Variants in GLCE observed in about 807,000 individuals in gnomAD.
The protein encoded by GLCE is D-glucuronyl C5-epimerase.
GLCE carries 19 observed loss-of-function variants against 47.9 expected under a neutral mutation model. The observed-to-expected ratio is 0.40, with a 90% confidence interval of 0.28 to 0.58. GLCE has a LOEUF of 0.58. Ranked by LOEUF, GLCE falls within the 20% of genes least tolerant of loss-of-function variation. The pLI is 0.48. For synonymous variants in GLCE, 245 were observed against 263.4 expected (o/e 0.93, Z 0.68); for missense variants, 556 against 743.3 (o/e 0.75, Z 2.93).
intron 1 of GLCE, among the ~76,000 whole-genome samples, chr15:69,175,038 ACTT>A (rs2051642474): frequency 6.6e-6 from 1 of 152,096 alleles, no homozygotes; most frequent in Non-Finnish European, 1.5e-5. Context: ...CTTGAAAACT[ACTT>A]AATGAAATTA....
At chr15:69,222,891 AC>A (rs1221254925) in intron 2 of GLCE, among the ~76,000 whole-genome samples, 1 of 152,190 alleles carries the variant, frequency 6.6e-6, no homozygotes, top group Non-Finnish European at 1.5e-5. Context: ...CTTTGTGGTT[AC>A]CATGGGATTA....
At chr15:69,166,309 ACT>A (rs1218483699) in intron 1 of GLCE, among the ~76,000 whole-genome samples, 1 of 152,130 alleles carries the variant, frequency 6.6e-6, no homozygotes, top group African/African-American at 2.4e-5. Flanking sequence ...CTGTCTCCAG[ACT>A]CTATGCTTTT....
chr15:69,195,571 T>A (rs117132074), intron 1 of GLCE, among the ~76,000 whole-genome samples: 107 of 152,278 alleles, frequency 7.0e-4, no homozygotes, highest in Admixed American at 2.4e-3. Context: ...CTTTAGATTA[T>A]CCATGGAAAA....
intron 1 of GLCE, among the ~76,000 whole-genome samples, chr15:69,167,732 G>A (rs1423806738): frequency 6.6e-6 from 1 of 151,872 alleles, no homozygotes; most frequent in African/African-American, 2.4e-5. Flanking sequence ...CTGGGCTAGT[G>A]GTTACAGAAA....
In GLCE at chr15:69,240,283, C is replaced by CAA. The variant is rs545688611; in HGVS notation, c.-13-15485_-13-15484dup. ...TGGGCGACAGAGCGAGACTCCGTCT[C>CAA]AAAAAAAAAAAAAAAAAAAAAAAAA... On this transcript the variant is annotated intron_variant, in intron 2 of 4. Coordinates refer to ENST00000261858, the MANE Select transcript of GLCE (RefSeq NM_015554.3). 5.2e-3 allele frequency among the ~76,000 whole-genome samples: 95 copies of CAA among 18,180 alleles called. 2 individuals are homozygous for CAA. The highest frequency in any genetic ancestry group is 0.071 in the Middle Eastern group (1 of 14). 11.9% of individuals were successfully genotyped at this position (18,180 alleles called of 152,430 possible). A position where few individuals can be genotyped will look rare whatever the true frequency, so the allele number is the denominator to read the frequency against.
At chr15:69,188,141 T>C (rs1200020128) in intron 1 of GLCE, among the ~76,000 whole-genome samples, 2 of 151,128 alleles carry the variant, frequency 1.3e-5, no homozygotes, top group African/African-American at 2.4e-5. Flanking sequence ...TACCCAGGAG[T>C]CTGAGGCAGA....
At chr15:69,242,925 T>C (rs879658909) in intron 2 of GLCE, among the ~76,000 whole-genome samples, 2 of 151,024 alleles carry the variant, frequency 1.3e-5, no homozygotes, top group Non-Finnish European at 3.0e-5. Flanking sequence ...AGCATGATGG[T>C]GTGCACCTGT....
Position 69,199,443 on chromosome 15 carries a change from TTATAAA to T in GLCE, c.-104-10872_-104-10867del, listed in dbSNP as rs151076401. Among the ~76,000 whole-genome samples the T allele has an allele frequency of 7.0e-3, 1,068 of 152,274 alleles. 19 individuals are homozygous for T. The highest frequency in any genetic ancestry group is 0.024 in the African/African-American group (1,011 of 41,572). Reference sequence around the variant, plus strand: ...TTTGATCTCTACTATAAAATAATCTTTATAAAAATAAGATTTTAACAGGTAGGAATA... The same window carrying T: ...TTTGATCTCTACTATAAAATAATCTTAATAAGATTTTAACAGGTAGGAATA... On this transcript the variant is annotated intron_variant, in intron 1 of 4. Transcript: ENST00000261858.
intron 1 of GLCE, among the ~76,000 whole-genome samples, chr15:69,199,182 G>T (rs2052040950): frequency 1.3e-5 from 2 of 152,230 alleles, no homozygotes; most frequent in African/African-American, 4.8e-5. Context: ...ATGAAATAAT[G>T]TTAATGAAAA....
In GLCE at chr15:69,256,181, A is replaced by G. The variant is rs1270894946; in HGVS notation, c.375A>G (p.Glu125=). 2.5e-6 allele frequency: 4 copies of G among 1,614,114 alleles called. No individual in the cohort carries two copies. Among genetic ancestry groups the G allele is most frequent in the South Asian group, 1.1e-5 (1 of 91,082 alleles). ...TTAAAGGGAGACGAGAGGGGAACGA[A>G]GTCTTTCTTCCATTCACTTGGGTTG... ...HTIKGRREGN[E]VFLPFTWVEK... Residue 125 remains glutamate, a synonymous_variant, in exon 3 of 5, where the codon GAA becomes GAG. Transcript: ENST00000261858.
intron 4 of GLCE, among the ~76,000 whole-genome samples, chr15:69,263,412 C>A (rs1457424378): frequency 6.6e-6 from 1 of 151,562 alleles, no homozygotes; most frequent in Non-Finnish European, 1.5e-5. Context: ...GGACCACAAG[C>A]TGAATGCTGT....
intron 2 of GLCE, among the ~76,000 whole-genome samples, chr15:69,241,832 T>C (rs541990930): frequency 8.9e-4 from 136 of 152,306 alleles, no homozygotes; most frequent in African/African-American, 3.1e-3. Flanking sequence ...CAGTGAAATT[T>C]AGAGCCAGTT....
intron 2 of GLCE, among the ~76,000 whole-genome samples, chr15:69,236,623 G>A (rs182833874): frequency 8.5e-5 from 13 of 152,130 alleles, no homozygotes; most frequent in Middle Eastern, 3.4e-3. Context: ...ACTAGTAACC[G>A]CTCTAAAAGA....
intron 1 of GLCE, among the ~76,000 whole-genome samples, chr15:69,191,858 A>C (rs1171873378): frequency 6.6e-6 from 1 of 152,076 alleles, no homozygotes; most frequent in African/African-American, 2.4e-5. Flanking sequence ...CCTGCATACT[A>C]GGTTGCCTTG....
chr15:69,237,269 T>TA (rs1426834771), intron 2 of GLCE, among the ~76,000 whole-genome samples: 2 of 152,084 alleles, frequency 1.3e-5, no homozygotes, highest in African/African-American at 2.4e-5. Flanking sequence ...GCATTCTATA[T>TA]AAAAAAATTA....
intron 3 of GLCE, among the ~76,000 whole-genome samples, chr15:69,259,446 T>C (rs1018987874): frequency 2.0e-5 from 3 of 152,230 alleles, no homozygotes; most frequent in African/African-American, 7.2e-5. Flanking sequence ...CTTTTCACTT[T>C]TAGTTTCTCT....
chr15:69,204,170 T>TA (rs2052115356), intron 1 of GLCE, among the ~76,000 whole-genome samples: 1 of 151,998 alleles, frequency 6.6e-6, no homozygotes, highest in African/African-American at 2.4e-5. Context: ...AGAGTAGAAA[T>TA]ACTTCTGAAA....
intron 2 of GLCE, among the ~76,000 whole-genome samples, chr15:69,246,283 A>G (rs1231988198): frequency 6.6e-6 from 1 of 152,128 alleles, no homozygotes; most frequent in Non-Finnish European, 1.5e-5. Context: ...ACCTCCTCCC[A>G]TGAGTCATGA....
At chr15:69,193,085 C>T (rs1472726914) in intron 1 of GLCE, among the ~76,000 whole-genome samples, 2 of 151,830 alleles carry the variant, frequency 1.3e-5, no homozygotes, top group African/African-American at 2.4e-5. Context: ...GCCCCCTCCC[C>T]CTCCCCCTGA....
Sources: gnomAD v4.1 joint callset for allele counts (sites outside exome capture counted in the v4.1 genomes callset) on GRCh38, gnomAD v4.1.1 for gene constraint, MANE v1.5 for transcripts, NCBI Gene and HGNC (gene_info 2026-07-23, HGNC 2026-07-21) for gene names.